GLIPR1L2: variants seen among roughly 807,000 people sequenced by gnomAD.
GLIPR1L2 encodes the protein GLIPR1 like 2.
GLIPR1L2 carries 21 observed loss-of-function variants against 28.4 expected under a neutral mutation model. The ratio of observed to expected loss-of-function variants is 0.74; its 90% CI spans 0.52 to 1.06. The LOEUF (loss-of-function observed/expected upper bound fraction) is 1.06. Among genes scored for constraint, GLIPR1L2 ranks in the 50% least tolerant of loss-of-function variants. The pLI, the probability that GLIPR1L2 is intolerant of heterozygous loss-of-function variation, is 0.00. For missense variants in GLIPR1L2, 476 were observed against 416.9 expected, an observed-to-expected ratio of 1.14 and a Z score of -1.23; for synonymous variants, 145 against 139.3, an observed-to-expected ratio of 1.04 and a Z score of -0.29.
rs1179890388 is a variant in GLIPR1L2, at chr12:75,431,229, A to G, written c.*68A>G. ...AAAAGTGTAATACAAAAAAAGACAGAAAAAAAAAAAAAGTAAAACACTGAG... is the reference window on the plus strand; with the variant it reads ...AAAAGTGTAATACAAAAAAAGACAGGAAAAAAAAAAAAGTAAAACACTGAG... On this transcript the variant is annotated 3_prime_UTR_variant, in exon 6 of 6. Transcript: ENST00000550916. 3.1e-5 allele frequency: 4 copies of G among 129,682 alleles called. No individual in the cohort carries two copies. The highest frequency in any genetic ancestry group is 4.7e-5 in the Non-Finnish European group (3 of 64,122). 8.0% of individuals were successfully genotyped at this position (129,682 alleles called of 1,614,324 possible).
intron 3 of GLIPR1L2, among the ~76,000 whole-genome samples, chr12:75,416,986 A>G (rs553524933): frequency 5.7e-4 from 87 of 152,138 alleles, no homozygotes; most frequent in Non-Finnish European, 9.9e-4. Flanking sequence ...CTGGGTAGAA[A>G]TGAATGTAAA....
intron 1 of GLIPR1L2, among the ~76,000 whole-genome samples, chr12:75,408,148 A>C (rs1027907790): frequency 6.6e-5 from 10 of 152,068 alleles, no homozygotes; most frequent in African/African-American, 2.4e-4. Context: ...CACATTTATC[A>C]ACCTTGTCTT....
At chr12:75,426,530 A>T (rs1160194614) in intron 4 of GLIPR1L2, among the ~76,000 whole-genome samples, 1 of 152,218 alleles carries the variant, frequency 6.6e-6, no homozygotes, top group Non-Finnish European at 1.5e-5. Flanking sequence ...CTTTTCTTAT[A>T]TCTTTCCTAT....
At position 75,410,425 on chromosome 12, in the gene GLIPR1L2, A is replaced by T. The variant is rs1177017853; in HGVS notation, c.235-9A>T. ...ATTTTGTTCTCTTTGCTTTTTGAAT[A>T]TTTTTCAGACTTGGGATGTAGCTTT... On this transcript the variant is annotated splice_polypyrimidine_tract_variant and intron_variant, in intron 1 of 5. Coordinates refer to ENST00000550916, the MANE Select transcript of GLIPR1L2 (RefSeq NM_001270396.2). 6.7e-7 allele frequency: 1 copy of T among 1,501,606 alleles called. No homozygotes were observed. Among genetic ancestry groups the T allele is most frequent in the Admixed American group, 2.3e-5 (1 of 42,700 alleles). 93.0% of individuals were successfully genotyped at this position (1,501,606 alleles called of 1,614,324 possible).
chr12:75,404,358 A>G (rs145685678), intron 1 of GLIPR1L2, among the ~76,000 whole-genome samples: 179 of 152,206 alleles, frequency 1.2e-3, no homozygotes, highest in African/African-American at 3.9e-3. Context: ...ACATTCCTCA[A>G]ACTCTCAGAA....
chr12:75,428,920 C>T (rs962703516), intron 4 of GLIPR1L2, among the ~76,000 whole-genome samples: 5 of 152,196 alleles, frequency 3.3e-5, no homozygotes. Context: ...TGGGAGCCTT[C>T]ACGTAGATTT....
At chr12:75,401,375 T>C (rs916034175) in intron 1 of GLIPR1L2, among the ~76,000 whole-genome samples, 5 of 150,930 alleles carry the variant, frequency 3.3e-5, no homozygotes, top group African/African-American at 1.2e-4. Flanking sequence ...AGAAATACTA[T>C]GTATTGGAAA....
chr12:75,410,735 G>GT, intron 2 of GLIPR1L2, 56 bp downstream of exon 2: 1 of 1,272,382 alleles, frequency 7.9e-7, no homozygotes, highest in Non-Finnish European at 1.1e-6. Flanking sequence ...ATTTATGCCT[G>GT]GTTTTATTAT....
At chr12:75,413,725 A>G in intron 3 of GLIPR1L2, 24 bp downstream of exon 3, 1 of 1,110,946 alleles carries the variant, frequency 9.0e-7, no homozygotes, top group Non-Finnish European at 1.3e-6. Flanking sequence ...AATTAATAAA[A>G]GAATATAAAA....
intron 4 of GLIPR1L2, among the ~76,000 whole-genome samples, chr12:75,426,509 C>T (rs1027490875): frequency 3.3e-5 from 5 of 152,178 alleles, no homozygotes; most frequent in African/African-American, 1.2e-4. Context: ...CTACTATCAC[C>T]CTGGTGGTTG....
chr12:75,403,817 T>G (rs183103933), intron 1 of GLIPR1L2, among the ~76,000 whole-genome samples: 2 of 152,260 alleles, frequency 1.3e-5, no homozygotes, highest in African/African-American at 4.8e-5. Context: ...TTAGAGGCTT[T>G]CAAGAAACTC....
intron 4 of GLIPR1L2, among the ~76,000 whole-genome samples, chr12:75,427,107 A>T (rs553605468): frequency 6.6e-6 from 1 of 152,210 alleles, no homozygotes. Flanking sequence ...GAAGAGAGAG[A>T]TAGAAAAAAT....
chr12:75,413,697 C>T lies in GLIPR1L2; in HGVS notation c.580C>T (p.Pro194Ser), dbSNP rs1285243094. ...HAAIFICNYA[P>S]GGTLTRRPYE... ...AGCAATTTTCATATGCAACTATGCG[C>T]CAGGGTAAGTTACTTAAAATTAATA... The change falls in exon 3 of 6, where the codon CCA becomes TCA. Residue 194 changes from proline to serine, a missense_variant. Physicochemically the swap from Pro to Ser is moderately conservative, Grantham distance 74. Coordinates refer to ENST00000550916, the MANE Select transcript of GLIPR1L2 (RefSeq NM_001270396.2). 42 of 1,421,422 alleles carry T rather than the reference C, an allele frequency of 3.0e-5. No individual in the cohort carries two copies. The highest frequency in any genetic ancestry group is 3.9e-5 in the Non-Finnish European group (41 of 1,058,412). 88.1% of individuals were successfully genotyped at this position (1,421,422 alleles called of 1,614,324 possible).
chr12:75,421,084 C>T (rs1286095110), intron 3 of GLIPR1L2, among the ~76,000 whole-genome samples: 1 of 152,038 alleles, frequency 6.6e-6, no homozygotes, highest in Non-Finnish European at 1.5e-5. Context: ...GACAGAGGTC[C>T]CCCATCCTTG....
chr12:75,392,211 G>A (rs903597336), intron 1 of GLIPR1L2, among the ~76,000 whole-genome samples: 3 of 152,100 alleles, frequency 2.0e-5, no homozygotes, highest in African/African-American at 7.2e-5. Context: ...TCAGAAATGG[G>A]ATAAATAAAT....
At position 75,391,358 on chromosome 12, in the gene GLIPR1L2, C is replaced by T. The variant is rs373108981; in HGVS notation, c.234+8C>T. Reference sequence around the variant, plus strand: ...TCTAACTTGCGCTTCATGGTGAGGCCGGAAGGCGGTTTGCCGACCCTTCCA... The same window carrying T: ...TCTAACTTGCGCTTCATGGTGAGGCTGGAAGGCGGTTTGCCGACCCTTCCA... On this transcript the variant is annotated splice_region_variant and intron_variant, in intron 1 of 5. Coordinates refer to ENST00000550916, the MANE Select transcript of GLIPR1L2 (RefSeq NM_001270396.2). The T allele has an allele frequency of 1.1e-5, 17 of 1,612,586 alleles. No homozygotes were observed. In the Admixed American group the frequency reaches 2.5e-4, roughly 24 times the overall value.
chr12:75,423,338 TA>T (rs2045998708), intron 4 of GLIPR1L2: 3 of 1,073,006 alleles, frequency 2.8e-6, no homozygotes, highest in African/African-American at 1.6e-5. Flanking sequence ...CCAAAATATT[TA>T]TGAAGTAGCA....
At chr12:75,405,600 C>T (rs1171049879) in intron 1 of GLIPR1L2, among the ~76,000 whole-genome samples, 1 of 151,908 alleles carries the variant, frequency 6.6e-6, no homozygotes, top group Admixed American at 6.6e-5. Flanking sequence ...ATGCCTGGGT[C>T]ATGACTGCCC....
At chr12:75,419,655 C>CTTTAACTG (rs1229105560) in intron 3 of GLIPR1L2, among the ~76,000 whole-genome samples, 1 of 152,138 alleles carries the variant, frequency 6.6e-6, no homozygotes, top group Admixed American at 6.5e-5. Context: ...CTTAAAGGAG[C>CTTTAACTG]TTTAACTGTT....
Sources: allele counts gnomAD v4.1 joint callset (sites outside exome capture counted in the v4.1 genomes callset), GRCh38; gene constraint gnomAD v4.1.1; transcripts MANE v1.5; gene names NCBI Gene and HGNC (gene_info 2026-07-23, HGNC 2026-07-21).